OSBPL6: variants seen among roughly 807,000 people sequenced by gnomAD.
OSBPL6 encodes oxysterol-binding protein-related protein 6.
OSBPL6 carries 49 observed loss-of-function variants against 125.8 expected under a neutral mutation model. That is an observed-to-expected ratio of 0.39 (90% CI 0.31 to 0.49). The LOEUF is 0.49. Among genes scored for constraint, OSBPL6 ranks in the 20% least tolerant of loss-of-function variants. OSBPL6 has a pLI of 0.88. For missense variants in OSBPL6, 986 were observed against 1,135.4 expected, an observed-to-expected ratio of 0.87 and a Z score of 1.89; for synonymous variants, 394 against 391.8, an observed-to-expected ratio of 1.01 and a Z score of -0.07.
At position 178,307,283 on chromosome 2, in the gene OSBPL6, G is replaced by A. The variant is rs114194433; in HGVS notation, c.102+997G>A. Among the ~76,000 whole-genome samples the A allele has an allele frequency of 7.5e-3, 1,143 of 152,210 alleles. 13 individuals carry two copies. The highest frequency in any genetic ancestry group is 0.026 in the African/African-American group (1,095 of 41,526). On this transcript the variant is annotated intron_variant, in intron 3 of 24. Transcript: ENST00000190611. ...CAAAAATGAATTCATTTTCGATAGT[G>A]CAAGTACACTGCTGGGGATGCTTTT...
intron 13 of OSBPL6, among the ~76,000 whole-genome samples, chr2:178,363,485 C>A (rs1179736840): frequency 2.0e-5 from 3 of 152,050 alleles, no homozygotes; most frequent in Admixed American, 2.0e-4. Flanking sequence ...TGGAGCACAC[C>A]GTAGTACATT....
intron 12 of OSBPL6, among the ~76,000 whole-genome samples, chr2:178,359,443 G>C (rs558290187): frequency 2.3e-4 from 35 of 152,308 alleles, no homozygotes; most frequent in South Asian, 1.2e-3. Flanking sequence ...TTTGTACACT[G>C]TTGTTGGGAG....
intron 1 of OSBPL6, among the ~76,000 whole-genome samples, chr2:178,260,821 G>A (rs2092032978): frequency 6.6e-6 from 1 of 152,180 alleles, no homozygotes; most frequent in Admixed American, 6.5e-5. Context: ...TCATCCTGCT[G>A]TAGATGGATG....
chr2:178,302,813 A>G (rs1391990877), intron 2 of OSBPL6, among the ~76,000 whole-genome samples: 1 of 152,244 alleles, frequency 6.6e-6, no homozygotes, highest in Non-Finnish European at 1.5e-5. Context: ...TAATGAAAAA[A>G]GTACAGTTTT....
chr2:178,276,208 T>C (rs2092465640), intron 1 of OSBPL6, among the ~76,000 whole-genome samples: 1 of 152,130 alleles, frequency 6.6e-6, no homozygotes, highest in African/African-American at 2.4e-5. Flanking sequence ...AAATATTCTG[T>C]CAAGATTCAT....
At chr2:178,244,605 C>T (rs539093002) in intron 1 of OSBPL6, among the ~76,000 whole-genome samples, 1 of 152,272 alleles carries the variant, frequency 6.6e-6, no homozygotes, top group South Asian at 2.1e-4. Context: ...AGTAGGTAGC[C>T]TTCTCAACTG....
At chr2:178,324,081 A>G in intron 3 of OSBPL6, 96 bp from the exon 4 acceptor site, 1 of 712,862 alleles carries the variant, frequency 1.4e-6, no homozygotes, top group Non-Finnish European at 2.2e-6. Flanking sequence ...AACATAGCTC[A>G]CTGTTTTGAC....
At chr2:178,298,697 T>TTTTG (rs1685985086) in intron 2 of OSBPL6, among the ~76,000 whole-genome samples, 1 of 146,534 alleles carries the variant, frequency 6.8e-6, no homozygotes, top group African/African-American at 2.6e-5. Flanking sequence ...TTTAGTTGCT[T>TTTTG]TTTTTTTTGT....
intron 8 of OSBPL6, among the ~76,000 whole-genome samples, chr2:178,334,066 T>A (rs1211363883): frequency 2.6e-5 from 4 of 152,196 alleles, no homozygotes; most frequent in African/African-American, 7.2e-5. Flanking sequence ...AAGAGTTCAC[T>A]TCTGTGTTGA....
At chr2:178,358,415 A>C (rs71423564) in intron 12 of OSBPL6, among the ~76,000 whole-genome samples, 2 of 152,152 alleles carry the variant, frequency 1.3e-5, no homozygotes, top group Non-Finnish European at 2.9e-5. Flanking sequence ...TGACCTCTGG[A>C]ACAGAAAAGA....
chr2:178,320,318 A>C, intron 3 of OSBPL6: 1 of 1,612,582 alleles, frequency 6.2e-7, no homozygotes, highest in East Asian at 2.2e-5. Context: ...CAAATTAAAG[A>C]GCTACAGTGA....
At chr2:178,357,546 GC>G (rs1691918584) in intron 12 of OSBPL6, among the ~76,000 whole-genome samples, 1 of 152,128 alleles carries the variant, frequency 6.6e-6, no homozygotes, top group African/African-American at 2.4e-5. Flanking sequence ...ACCATCTCAT[GC>G]CAGTTAAAAT....
In OSBPL6 at chr2:178,199,966, T is replaced by G. The variant is rs533566904; in HGVS notation, c.-351+5292T>G. Reference sequence around the variant, plus strand: ...CATTATTGGGTAGCTAACTGACAATTATTTCTCTGTGTAAGAAATATTTTA... The same window carrying G: ...CATTATTGGGTAGCTAACTGACAATGATTTCTCTGTGTAAGAAATATTTTA... On this transcript the variant is annotated intron_variant, in intron 1 of 24. Coordinates refer to ENST00000190611, the MANE Select transcript of OSBPL6 (RefSeq NM_032523.4). Among the ~76,000 whole-genome samples the G allele has an allele frequency of 2.7e-3, 415 of 152,314 alleles. 2 individuals are homozygous for G. Among genetic ancestry groups the G allele is most frequent in the Middle Eastern group, 0.01 (3 of 294 alleles).
chr2:178,214,404 T>C (rs1262600910), intron 1 of OSBPL6, among the ~76,000 whole-genome samples: 1 of 152,146 alleles, frequency 6.6e-6, no homozygotes, highest in Non-Finnish European at 1.5e-5. Flanking sequence ...AGATAAAAGA[T>C]TTATTGCACA....
intron 1 of OSBPL6, among the ~76,000 whole-genome samples, chr2:178,232,154 A>G (rs892521701): frequency 2.0e-5 from 3 of 152,196 alleles, no homozygotes; most frequent in Non-Finnish European, 2.9e-5. Flanking sequence ...TTTTTCTTAA[A>G]CATTTGCTAT....
intron 12 of OSBPL6, among the ~76,000 whole-genome samples, chr2:178,354,376 A>G (rs1691574346): frequency 6.6e-6 from 1 of 152,200 alleles, no homozygotes; most frequent in Admixed American, 6.5e-5. Flanking sequence ...GGCTCAAAAT[A>G]AAGGGATGGA....
At chr2:178,212,275 T>A (rs2089896710) in intron 1 of OSBPL6, among the ~76,000 whole-genome samples, 1 of 152,214 alleles carries the variant, frequency 6.6e-6, no homozygotes, top group Non-Finnish European at 1.5e-5. Context: ...AATTTAAATA[T>A]GTCCTTTCCT....
chr2:178,235,388 CTTTTCTTTTCTTTTTTTT>C (rs2091008120), intron 1 of OSBPL6, among the ~76,000 whole-genome samples: 1 of 91,266 alleles, frequency 1.1e-5, no homozygotes, highest in African/African-American at 4.1e-5. Context: ...TTTCCTTTTT[CTTTTCTTTTCTTTTTTTT>C]TTTTTTTTTT....
chr2:178,257,925 A>G (rs1559170486), intron 1 of OSBPL6, among the ~76,000 whole-genome samples: 1 of 151,606 alleles, frequency 6.6e-6, no homozygotes, highest in Non-Finnish European at 1.5e-5. Context: ...AGTAGCTGGG[A>G]TCACAGGTGT....
Sources: gnomAD v4.1 joint callset for allele counts (sites outside exome capture counted in the v4.1 genomes callset) on GRCh38, gnomAD v4.1.1 for gene constraint, MANE v1.5 for transcripts, NCBI Gene and HGNC (gene_info 2026-07-23, HGNC 2026-07-21) for gene names.